The following NUBPL variants were observed in gnomAD, a reference collection of about 807,000 sequenced individuals.
NUBPL encodes iron-sulfur cluster transfer protein NUBPL.
NUBPL carries 31 observed loss-of-function variants against 45.7 expected under a neutral mutation model. That is an observed-to-expected ratio of 0.68 (90% CI 0.51 to 0.92). The LOEUF (loss-of-function observed/expected upper bound fraction) is 0.92. Ranked by LOEUF, NUBPL falls within the 40% of genes least tolerant of loss-of-function variation. The probability of loss-of-function intolerance (pLI) is 0.00; values close to 1 mark genes in which losing one functional copy is unlikely to be tolerated. For missense variants in NUBPL, 401 were observed against 398.7 expected, an observed-to-expected ratio of 1.01 and a Z score of -0.05; for synonymous variants, 144 against 140.9, an observed-to-expected ratio of 1.02 and a Z score of -0.15.
chr14:31,596,269 T>A (rs574950416), intron 3 of NUBPL, among the ~76,000 whole-genome samples: 1 of 152,202 alleles, frequency 6.6e-6, no homozygotes, highest in Admixed American at 6.5e-5. Context: ...TCCAGTAAAA[T>A]AGTCTGAAAA....
intron 6 of NUBPL, among the ~76,000 whole-genome samples, chr14:31,745,255 A>G (rs764624315): frequency 6.6e-5 from 10 of 151,836 alleles, no homozygotes; most frequent in Admixed American, 3.9e-4. Context: ...CCTGTGTCCA[A>G]ATGTTCTCAT....
At chr14:31,756,546 A>G (rs2038669335) in intron 6 of NUBPL, among the ~76,000 whole-genome samples, 1 of 151,728 alleles carries the variant, frequency 6.6e-6, no homozygotes, top group Non-Finnish European at 1.5e-5. Context: ...CTGTACATTG[A>G]TTTTGTATCC....
chr14:31,614,159 A>G (rs17390625), intron 4 of NUBPL, among the ~76,000 whole-genome samples: 61,955 of 152,024 alleles, frequency 0.41, 14,244 homozygotes, highest in East Asian at 0.6. Flanking sequence ...TATAGGGGCT[A>G]AGTTTTAACT....
intron 4 of NUBPL, among the ~76,000 whole-genome samples, chr14:31,645,593 G>C (rs547377925): frequency 6.6e-6 from 1 of 152,092 alleles, no homozygotes; most frequent in South Asian, 2.1e-4. Context: ...TTCTCTGGTA[G>C]TATGTTTTAA....
chr14:31,633,185 G>C (rs2139667907), intron 4 of NUBPL, among the ~76,000 whole-genome samples: 1 of 152,286 alleles, frequency 6.6e-6, no homozygotes, highest in African/African-American at 2.4e-5. Context: ...GTTTTTAGGT[G>C]CATAGTGCAT....
At chr14:31,639,693 C>T (rs972380720) in intron 4 of NUBPL, among the ~76,000 whole-genome samples, 1 of 152,212 alleles carries the variant, frequency 6.6e-6, no homozygotes, top group Non-Finnish European at 1.5e-5. Context: ...GAGATGGAGC[C>T]TACAGAGGCA....
chr14:31,762,430 C>T (rs1256573290), intron 6 of NUBPL, among the ~76,000 whole-genome samples: 12 of 152,142 alleles, frequency 7.9e-5, no homozygotes. Context: ...ATGGTCATCA[C>T]TAGACAAATC....
At chr14:31,777,450 A>C (rs1236227101) in intron 6 of NUBPL, among the ~76,000 whole-genome samples, 1 of 152,218 alleles carries the variant, frequency 6.6e-6, no homozygotes, top group African/African-American at 2.4e-5. Context: ...GTTTCCAGCT[A>C]AAATGAGTTT....
In NUBPL at chr14:31,716,594, G is replaced by T. The variant is rs913362258; in HGVS notation, c.513+43020G>T. On this transcript the variant is annotated intron_variant, in intron 6 of 10. Transcript: ENST00000281081. ...AAAATATCCTTCTCTGCACATAACT[G>T]TAATTAGTAAATGGTGCAGCCAACA... 2.6e-5 allele frequency among the ~76,000 whole-genome samples: 4 copies of T among 152,178 alleles called. No individual in the cohort carries two copies. In the East Asian group the frequency reaches 7.7e-4, roughly 29 times the overall value.
intron 3 of NUBPL, among the ~76,000 whole-genome samples, chr14:31,569,995 C>A (rs1293943011): frequency 6.6e-6 from 1 of 152,016 alleles, no homozygotes; most frequent in Non-Finnish European, 1.5e-5. Context: ...ACTTAAAGAC[C>A]ATCAGAAACC....
At chr14:31,636,698 C>T (rs183298825) in intron 4 of NUBPL, among the ~76,000 whole-genome samples, 1,642 of 152,196 alleles carry the variant, frequency 0.011, 23 homozygotes, top group African/African-American at 0.037. Context: ...TGGTAGAATT[C>T]GGCTGTGAAT....
intron 1 of NUBPL, among the ~76,000 whole-genome samples, 169 bp from the exon 2 acceptor site, chr14:31,561,899 C>G (rs2033292654): frequency 6.6e-6 from 1 of 152,162 alleles, no homozygotes; most frequent in African/African-American, 2.4e-5. Flanking sequence ...AGCAATGTGT[C>G]TTTACAATTG....
intron 4 of NUBPL, among the ~76,000 whole-genome samples, chr14:31,602,910 TAGAA>T (rs1218526101): frequency 1.3e-5 from 2 of 152,224 alleles, no homozygotes; most frequent in African/African-American, 4.8e-5. Flanking sequence ...GCCTCTTTAC[TAGAA>T]AGAAGTAATT....
intron 4 of NUBPL, among the ~76,000 whole-genome samples, chr14:31,605,250 C>T (rs780860643): frequency 6.6e-6 from 1 of 152,118 alleles, no homozygotes; most frequent in Non-Finnish European, 1.5e-5. Flanking sequence ...ACAAGAGAGA[C>T]AACACATCTC....
chr14:31,835,378 C>T (rs2040265198), intron 8 of NUBPL, among the ~76,000 whole-genome samples: 3 of 152,112 alleles, frequency 2.0e-5, no homozygotes, highest in Admixed American at 2.0e-4. Context: ...TGAATTTTGG[C>T]TTTGTCATTT....
chr14:31,794,043 C>T (rs2039438840), intron 7 of NUBPL, among the ~76,000 whole-genome samples: 1 of 78,758 alleles, frequency 1.3e-5, no homozygotes, highest in Non-Finnish European at 2.4e-5. Flanking sequence ...ATCCATGTCC[C>T]TACAAAGGAT....
At chr14:31,803,956 T>A (rs866647830) in intron 7 of NUBPL, among the ~76,000 whole-genome samples, 11 of 152,134 alleles carry the variant, frequency 7.2e-5, no homozygotes, top group Non-Finnish European at 1.3e-4. Flanking sequence ...ATGGAGTCTC[T>A]CTATATTGCA....
At chr14:31,601,955 C>T (rs1458227518) in intron 4 of NUBPL, among the ~76,000 whole-genome samples, 1 of 152,152 alleles carries the variant, frequency 6.6e-6, no homozygotes, top group Non-Finnish European at 1.5e-5. Context: ...TTTACTGTGG[C>T]CCTAATCACA....
chr14:31,742,277 C>T (rs977336860), intron 6 of NUBPL, among the ~76,000 whole-genome samples: 60 of 149,370 alleles, frequency 4.0e-4, no homozygotes, highest in African/African-American at 1.4e-3. Context: ...CACACACACA[C>T]ACATCTTCCT....
Sources: allele counts gnomAD v4.1 joint callset (sites outside exome capture counted in the v4.1 genomes callset), GRCh38; gene constraint gnomAD v4.1.1; transcripts MANE v1.5; gene names NCBI Gene and HGNC (gene_info 2026-07-23, HGNC 2026-07-21).